KIF14: variants seen among roughly 807,000 people sequenced by gnomAD.
KIF14 encodes the protein kinesin-like protein KIF14.
KIF14 carries 98 observed loss-of-function variants against 176.2 expected under a neutral mutation model. The ratio of observed to expected loss-of-function variants is 0.56; its 90% CI spans 0.47 to 0.66. KIF14 has a LOEUF of 0.66. KIF14 is among the 30% of genes least tolerant of loss of function. The probability of loss-of-function intolerance (pLI) is 0.00; values close to 1 mark genes in which losing one functional copy is unlikely to be tolerated. For missense variants in KIF14, 1,751 were observed against 1,920.4 expected (o/e 0.91, Z 1.65); for synonymous variants, 566 against 632.2 (o/e 0.90, Z 1.57).
Position 200,617,954 on chromosome 1 carries a change from C to T in KIF14, c.770G>A (p.Arg257Lys), listed in dbSNP as rs1660488731. ...KVLGTGNLYH[R>K]SIGKEIAKTS... ...TTTTGCAATTTCCTTCCCAATACTT[C>T]TATGATACAAGTTTCCTGTTCCCAA... The change falls in exon 2 of 30, where the codon AGA (arginine) becomes AAA (lysine). Residue 257 changes from arginine (R) to lysine (K), a missense_variant. By Grantham distance (26) the Arg-to-Lys change is conservative (BLOSUM62 2). Transcript: ENST00000367350. 2.1e-5 allele frequency: 34 copies of T among 1,613,968 alleles called. No homozygotes were observed. The highest frequency in any genetic ancestry group is 2.9e-5 in the Non-Finnish European group (34 of 1,179,978).
In KIF14 at chr1:200,617,752, A is replaced by G. The variant is rs770643341; in HGVS notation, c.972T>C (p.Asn324=). Residue 324 remains asparagine (N), a synonymous_variant, in exon 2 of 30, where the codon AAT becomes AAC. Coordinates refer to ENST00000367350, the MANE Select transcript of KIF14 (RefSeq NM_014875.3). ...KQRPKSSFLA[N]KQERSAENTI... is the part of the protein sequence containing the mutation. ...TATTTTCTGCGGATCTTTCCTGTTT[A>G]TTTGCAAGAAAGGAACTTTTTGGTC... 1.9e-6 allele frequency: 3 copies of G among 1,613,994 alleles called. No homozygotes were observed. In the South Asian group the frequency reaches 3.3e-5, roughly 18 times the overall value.
intron 21 of KIF14, among the ~76,000 whole-genome samples, chr1:200,576,065 A>G (rs1658084488): frequency 6.6e-6 from 1 of 152,262 alleles, no homozygotes. Flanking sequence ...ATTACAGTCT[A>G]TATTTTACAT....
intron 18 of KIF14, among the ~76,000 whole-genome samples, chr1:200,586,915 T>C (rs1658780533): frequency 6.6e-6 from 1 of 151,870 alleles, no homozygotes; most frequent in African/African-American, 2.4e-5. Context: ...AACTCAGGAA[T>C]TGAAAACCAA....
chr1:200,559,422 C>T lies in KIF14; in HGVS notation c.4261G>A (p.Val1421Ile), dbSNP rs563038425. The T allele has an allele frequency of 8.3e-6, 13 of 1,564,176 alleles. No individual in the cohort carries two copies. The highest frequency in any genetic ancestry group is 2.3e-5 in the East Asian group (1 of 42,970). The change falls in exon 27 of 30, where the codon GTA becomes ATA. Residue 1421 changes from valine to isoleucine, a missense_variant. Val to Ile is a conservative substitution (Grantham distance 29, BLOSUM62 3). Coordinates refer to ENST00000367350, the MANE Select transcript of KIF14 (RefSeq NM_014875.3). ...EEFMDAVCDG[V>I]GLGMKILLDS... The stretch of plus-strand genomic sequence containing the variant: ...AATAAAATCTTCATTCCTAAGCCTA[C>T]ACCATCACAAACAGCATCCATGAAT...
intron 4 of KIF14, among the ~76,000 whole-genome samples, chr1:200,609,526 G>A (rs1459006983): frequency 1.3e-5 from 2 of 152,328 alleles, no homozygotes; most frequent in Non-Finnish European, 2.9e-5. Flanking sequence ...CCGGGCGCCT[G>A]TAATCCCAGG....
Position 200,600,486 on chromosome 1 carries a change from C to T in KIF14, c.2170G>A (p.Ala724Thr), listed in dbSNP as rs1224960673. 2 of 1,612,722 alleles carry T rather than the reference C, an allele frequency of 1.2e-6. No individual in the cohort carries two copies. Among genetic ancestry groups the T allele is most frequent in the Non-Finnish European group, 8.5e-7 (1 of 1,178,864 alleles). ...TTTCTCTGAGCAGCTTTTAGCTTTG[C>T]AATTTCTGCCTTCAATTCTGAAGAT... ...KLIRELKAEI[A>T]KLKAAQRNSR... The change falls in exon 12 of 30, where the codon GCA (alanine) becomes ACA (threonine). Residue 724 changes from alanine to threonine, a missense_variant. Coordinates refer to ENST00000367350, the MANE Select transcript of KIF14 (RefSeq NM_014875.3).
chr1:200,617,904 C>T lies in KIF14; in HGVS notation c.820G>A (p.Glu274Lys). 1.2e-6 allele frequency: 2 copies of T among 1,613,898 alleles called. No homozygotes were observed. Among genetic ancestry groups the T allele is most frequent in the Non-Finnish European group, 8.5e-7 (1 of 1,179,964 alleles). Residue 274 changes from glutamate (E) to lysine (K), a missense_variant, in exon 2 of 30, where the codon GAA (glutamate) becomes AAA (lysine). Physicochemically the swap from Glu to Lys is moderately conservative, Grantham distance 56 (BLOSUM62 1). Coordinates refer to ENST00000367350, the MANE Select transcript of KIF14 (RefSeq NM_014875.3). ...GTACATTTTGTAGGTGTTCTTTTTT[C>T]TAAGCTCCCAAATTTATTTGAAGTT... ...AKTSNKFGSL[E>K]KRTPTKCTTE...
intron 17 of KIF14, 31 bp downstream of exon 17, chr1:200,590,092 GAA>G: frequency 2.1e-6 from 3 of 1,433,688 alleles, no homozygotes; most frequent in Non-Finnish European, 2.8e-6. Context: ...TACACTGTCG[GAA>G]AAAAAAAATA....
At chr1:200,612,908 G>A (rs1267417452) in intron 4 of KIF14, among the ~76,000 whole-genome samples, 1 of 100,478 alleles carries the variant, frequency 1.0e-5, no homozygotes, top group African/African-American at 4.0e-5. Context: ...TTTTTTTTGA[G>A]ATGGAGTCAT....
intron 1 of KIF14, among the ~76,000 whole-genome samples, chr1:200,619,213 C>A (rs1156247201): frequency 1.3e-5 from 2 of 151,964 alleles, no homozygotes; most frequent in Non-Finnish European, 2.9e-5. Context: ...TCAAGTACTT[C>A]CAGTGTGGGG....
At chr1:200,592,895 C>T (rs746803508) in intron 15 of KIF14, among the ~76,000 whole-genome samples, 1 of 151,986 alleles carries the variant, frequency 6.6e-6, no homozygotes, top group Non-Finnish European at 1.5e-5. Flanking sequence ...AACTATAACA[C>T]AATGGTAAAT....
chr1:200,566,131 G>A (rs1016904427), intron 23 of KIF14, among the ~76,000 whole-genome samples: 6 of 151,988 alleles, frequency 3.9e-5, no homozygotes, highest in Middle Eastern at 3.2e-3. Context: ...TTCCATTCAC[G>A]GATCAATTAA....
In KIF14 at chr1:200,553,603, G is replaced by C; in HGVS notation, c.4732C>G (p.Leu1578Val). ...TCTTCAGATTCAAAACAAAAGAGGA[G>C]AGACTTAGCTAGAGATTCTAGTTCC... is the stretch of plus-strand genomic sequence containing the variant. Reference protein sequence around the residue: ...HQELESLAKSLLFCFESEESP... With the variant: ...HQELESLAKSVLFCFESEESP... Residue 1578 changes from leucine (L) to valine (V), a missense_variant, in exon 30 of 30, where the codon CTC becomes GTC. Leu to Val is a conservative substitution (Grantham distance 32). Coordinates refer to ENST00000367350, the MANE Select transcript of KIF14 (RefSeq NM_014875.3). 6.2e-7 allele frequency: 1 copy of C among 1,614,112 alleles called. No individual in the cohort carries two copies. The highest frequency in any genetic ancestry group is 8.5e-7 in the Non-Finnish European group (1 of 1,180,010).
At chr1:200,555,298 C>A in intron 28 of KIF14, 82 bp downstream of exon 28, 2 of 879,430 alleles carry the variant, frequency 2.3e-6, no homozygotes, top group Non-Finnish European at 3.6e-6. Flanking sequence ...AGGATAAACA[C>A]TGAAATAAAA....
At chr1:200,604,382 C>T (rs1659773598) in intron 8 of KIF14, among the ~76,000 whole-genome samples, 1 of 152,134 alleles carries the variant, frequency 6.6e-6, no homozygotes, top group African/African-American at 2.4e-5. Flanking sequence ...ATCATCCCTT[C>T]ATGAATCTGT....
rs869174532 is a variant in KIF14, at chr1:200,573,427, C to CTTTTTTTTTTTTTTTTTTTTTTTTTTTT, written c.3566+2163_3566+2164insAAAAAAAAAAAAAAAAAAAAAAAAAAAA. On this transcript the variant is annotated intron_variant, in intron 22 of 29. Coordinates refer to ENST00000367350, the MANE Select transcript of KIF14 (RefSeq NM_014875.3). ...TTCCCTACACTCAAGGAGCTCATTT[C>CTTTTTTTTTTTTTTTTTTTTTTTTTTTT]TTTTTTTTTTTTTTTTTTTTTTTTG... is the stretch of plus-strand genomic sequence containing the variant. Among the ~76,000 whole-genome samples, 158 of 77,742 alleles carry CTTTTTTTTTTTTTTTTTTTTTTTTTTTT rather than the reference C, an allele frequency of 2.0e-3. 10 individuals are homozygous for CTTTTTTTTTTTTTTTTTTTTTTTTTTTT. Among genetic ancestry groups the CTTTTTTTTTTTTTTTTTTTTTTTTTTTT allele is most frequent in the Non-Finnish European group, 3.0e-3 (127 of 42,472 alleles). 51.0% of individuals were successfully genotyped at this position (77,742 alleles called of 152,430 possible).
chr1:200,592,005 G>T, intron 16 of KIF14, 75 bp downstream of exon 16: 3 of 1,263,784 alleles, frequency 2.4e-6, no homozygotes, highest in Non-Finnish European at 2.2e-6. Context: ...AATTACTAGA[G>T]ACTGGCACAA....
intron 23 of KIF14, among the ~76,000 whole-genome samples, chr1:200,566,853 A>G (rs916545227): frequency 4.6e-5 from 7 of 152,124 alleles, no homozygotes; most frequent in Non-Finnish European, 1.0e-4. Flanking sequence ...CATAAACTGG[A>G]AAAGTAGGCA....
chr1:200,566,607 GAGACAGAC>G (rs1250555818), intron 23 of KIF14, among the ~76,000 whole-genome samples: 1 of 149,016 alleles, frequency 6.7e-6, no homozygotes, highest in African/African-American at 2.5e-5. Context: ...AAAAAAAAGA[GAGACAGAC>G]AGGGTCTTGC....
Sources: gnomAD v4.1 joint callset for allele counts (sites outside exome capture counted in the v4.1 genomes callset) on GRCh38, gnomAD v4.1.1 for gene constraint, MANE v1.5 for transcripts, NCBI Gene and HGNC (gene_info 2026-07-23, HGNC 2026-07-21) for gene names.